Variants in FAM111A observed in about 807,000 individuals in gnomAD.
FAM111A encodes FAM111 trypsin like peptidase A.
In FAM111A, 8 loss-of-function variants were observed where a neutral mutation model predicts 3.3. The observed-to-expected ratio is 2.39, with a 90% CI of 1.40 to 4.32. The LOEUF (loss-of-function observed/expected upper bound fraction) is 4.32. Among genes scored for constraint, FAM111A ranks in the 30% most tolerant of loss-of-function variants. The pLI is 0.00. For missense variants in FAM111A, 683 were observed against 727.6 expected (o/e 0.94, Z 0.71); for synonymous variants, 227 against 243.1 (o/e 0.93, Z 0.62).
rs1481310895 is a variant in FAM111A, at chr11:59,153,632, C to T, written c.*128C>T. 1.4e-6 allele frequency: 1 copy of T among 708,600 alleles called. No homozygotes were observed. Among genetic ancestry groups the T allele is most frequent in the Non-Finnish European group, 2.3e-6 (1 of 439,508 alleles). 43.9% of individuals were successfully genotyped at this position (708,600 alleles called of 1,614,324 possible). On this transcript the variant is annotated 3_prime_UTR_variant, in exon 6 of 6. Coordinates refer to ENST00000675163, the MANE Select transcript of FAM111A (RefSeq NM_001312909.2). Reference sequence around the variant, plus strand: ...AATAATATTGACCATTTCCTATCTGCCAGGCATTTTTCTAAGCACATGAAG... The same window carrying T: ...AATAATATTGACCATTTCCTATCTGTCAGGCATTTTTCTAAGCACATGAAG...
rs1862015926 is a variant in FAM111A, at chr11:59,153,735, T to G, written c.*231T>G. 1 of 359,494 alleles carries G rather than the reference T, an allele frequency of 2.8e-6. No homozygotes were observed. The highest frequency in any genetic ancestry group is 3.8e-5 in the South Asian group (1 of 25,986). The allele number at this position is 359,494 out of a possible 1,614,324, so 22.3% of individuals were successfully genotyped here. ...TTTTTTTTTTGAGACTGAGTCTCAC[T>G]CTGTCGCCTGGGCTGGAGTACAGTG... On this transcript the variant is annotated 3_prime_UTR_variant, in exon 6 of 6. Coordinates refer to ENST00000675163, the MANE Select transcript of FAM111A (RefSeq NM_001312909.2).
At chr11:59,151,684 C>T in intron 5 of FAM111A, 66 bp from the exon 6 acceptor site, 2 of 1,245,834 alleles carry the variant, frequency 1.6e-6, no homozygotes, top group Non-Finnish European at 1.1e-6. Context: ...AATTGCATAC[C>T]TGAAAAGAGA....
At chr11:59,149,119 A>G (rs1861320608) in intron 5 of FAM111A, 166 bp downstream of exon 5, 2 of 592,620 alleles carry the variant, frequency 3.4e-6, no homozygotes, top group Non-Finnish European at 6.0e-6. Context: ...TATACTTTAA[A>G]TCATCTCTGG....
chr11:59,153,280 T>C lies in FAM111A; in HGVS notation c.1612T>C (p.Phe538Leu). 6.2e-7 allele frequency: 1 copy of C among 1,614,156 alleles called. No individual in the cohort carries two copies. Among genetic ancestry groups the C allele is most frequent in the Non-Finnish European group, 8.5e-7 (1 of 1,180,022 alleles). The stretch of plus-strand genomic sequence containing the variant: ...GATTACCTATGACACTGAATTTTTC[T>C]TTGGGGCTTCCGGCTCCCCTGTGTT... ...DVITYDTEFF[F>L]GASGSPVFDS... The change falls in exon 6 of 6, where the codon TTT (phenylalanine) becomes CTT (leucine). Residue 538 changes from phenylalanine (F) to leucine (L), a missense_variant. Phe to Leu is a conservative substitution (Grantham distance 22, BLOSUM62 0). Around this residue, in one of 3 missense-constraint regions of FAM111A, gnomAD observed 122 missense variants for 110.9 expected, o/e 1.10. Transcript: ENST00000675163.
In FAM111A at chr11:59,151,810, G is replaced by C; in HGVS notation, c.142G>C (p.Asp48His). 6.2e-7 allele frequency: 1 copy of C among 1,613,738 alleles called. No individual in the cohort carries two copies. Among genetic ancestry groups the C allele is most frequent in the Non-Finnish European group, 8.5e-7 (1 of 1,179,862 alleles). ...TSLMRMESRG[D>H]PRATTNTQAQ... ...TCTAATGAGGATGGAGTCTAGAGGA[G>C]ACCCAAGAGCCACAACTAATACCCA... Residue 48 changes from aspartate (D) to histidine (H), a missense_variant, in exon 6 of 6, where the codon GAC becomes CAC. Physicochemically the swap from Asp to His is moderately conservative, Grantham distance 81. Around this residue, in one of 3 missense-constraint regions of FAM111A, gnomAD observed 557 missense variants for 600.2 expected, o/e 0.93. Coordinates refer to ENST00000675163, the MANE Select transcript of FAM111A (RefSeq NM_001312909.2).
At chr11:59,150,291 T>C (rs1861485720) in intron 5 of FAM111A, among the ~76,000 whole-genome samples, 1 of 152,164 alleles carries the variant, frequency 6.6e-6, no homozygotes, top group South Asian at 2.1e-4. Context: ...TTACCTTAAG[T>C]CCCTTTTATT....
At chr11:59,146,365 T>G (rs962711597) in intron 4 of FAM111A, among the ~76,000 whole-genome samples, 2 of 152,200 alleles carry the variant, frequency 1.3e-5, no homozygotes, top group Non-Finnish European at 2.9e-5. Context: ...ATTACAGGCA[T>G]GAGCTACCGC....
intron 5 of FAM111A, among the ~76,000 whole-genome samples, chr11:59,150,475 A>C (rs969333110): frequency 5.3e-5 from 8 of 152,176 alleles, no homozygotes; most frequent in Admixed American, 4.6e-4. Context: ...ATACGGACCC[A>C]TATCTGCTGG....
intron 4 of FAM111A, among the ~76,000 whole-genome samples, chr11:59,146,984 G>A (rs1861006469): frequency 6.6e-6 from 1 of 152,120 alleles, no homozygotes; most frequent in South Asian, 2.1e-4. Flanking sequence ...GCGTTTAAAT[G>A]TCATGATGTT....
chr11:59,143,223 T>G lies in FAM111A; in HGVS notation c.-387T>G, dbSNP rs1183073066. The G allele has an allele frequency of 6.6e-6, 1 of 152,242 alleles. No individual in the cohort carries two copies. The highest frequency in any genetic ancestry group is 2.4e-5 in the African/African-American group (1 of 41,438). 9.4% of individuals were successfully genotyped at this position (152,242 alleles called of 1,614,324 possible). On this transcript the variant is annotated 5_prime_UTR_variant, in exon 2 of 6. Coordinates refer to ENST00000675163, the MANE Select transcript of FAM111A (RefSeq NM_001312909.2). Reference sequence around the variant, plus strand: ...TCTGTTCTCCAACCAAAGTGCTGGATTCCAAGGGACTGGAAGGGAAAGTCC... The same window carrying G: ...TCTGTTCTCCAACCAAAGTGCTGGAGTCCAAGGGACTGGAAGGGAAAGTCC...
chr11:59,154,166 T>C lies in FAM111A; in HGVS notation c.*662T>C, dbSNP rs1862061741. 6.6e-6 allele frequency: 1 copy of C among 152,210 alleles called. No homozygotes were observed. The highest frequency in any genetic ancestry group is 1.5e-5 in the Non-Finnish European group (1 of 68,036). The allele number at this position is 152,210 out of a possible 1,614,324, so 9.4% of individuals were successfully genotyped here. A position where few individuals can be genotyped will look rare whatever the true frequency, so the allele number is the denominator to read the frequency against. On this transcript the variant is annotated 3_prime_UTR_variant, in exon 6 of 6. Transcript: ENST00000675163. Reference sequence around the variant, plus strand: ...GCTACAGTGCAGGAACCAAAACTTGTTCATCTCATGATTCCCTACATCTGA... The same window carrying C: ...GCTACAGTGCAGGAACCAAAACTTGCTCATCTCATGATTCCCTACATCTGA...
Position 59,153,246 on chromosome 11 carries a change from C to A in FAM111A, c.1578C>A (p.Asn526Lys). 1 of 1,614,154 alleles carries A rather than the reference C, an allele frequency of 6.2e-7. No individual in the cohort carries two copies. Among genetic ancestry groups the A allele is most frequent in the Non-Finnish European group, 8.5e-7 (1 of 1,180,014 alleles). ...GAAGTTTCCAGAAAATAGTTCACAA[C>A]CCTGATGTGATTACCTATGACACTG... ...TQRSFQKIVH[N>K]PDVITYDTEF... The change falls in exon 6 of 6, where the codon AAC becomes AAA. Residue 526 changes from asparagine (N) to lysine (K), a missense_variant. Physicochemically the swap from Asn to Lys is moderately conservative, Grantham distance 94. Transcript: ENST00000675163.
intron 4 of FAM111A, among the ~76,000 whole-genome samples, chr11:59,146,333 G>A (rs1013551620): frequency 1.3e-5 from 2 of 152,136 alleles, no homozygotes; most frequent in African/African-American, 2.4e-5. Flanking sequence ...ATCCATCAGC[G>A]TTGGCCTCCC....
chr11:59,148,649 G>C, intron 4 of FAM111A, 148 bp from the exon 5 acceptor site: 3 of 487,706 alleles, frequency 6.2e-6, no homozygotes, highest in Non-Finnish European at 1.1e-5. Flanking sequence ...CTCGAAAAGA[G>C]AGCTTTTATT....
Position 59,143,574 on chromosome 11 carries a change from G to A in FAM111A, c.-228G>A, listed in dbSNP as rs1431574679. On this transcript the variant is annotated 5_prime_UTR_variant, in exon 3 of 6. Coordinates refer to ENST00000675163, the MANE Select transcript of FAM111A (RefSeq NM_001312909.2). ...TAACTTTATGAAAATGGTTCCTAAG[G>A]AGATTCACATCTCTGTGTCCGAATT... is the stretch of plus-strand genomic sequence containing the variant. 6.6e-6 allele frequency: 1 copy of A among 152,200 alleles called. No homozygotes were observed. The highest frequency in any genetic ancestry group is 2.4e-5 in the African/African-American group (1 of 41,438). The allele number at this position is 152,200 out of a possible 1,614,324, so 9.4% of individuals were successfully genotyped here.
Position 59,153,349 on chromosome 11 carries a change from G to C in FAM111A, c.1681G>C (p.Ala561Pro). 1 of 1,614,130 alleles carries C rather than the reference G, an allele frequency of 6.2e-7. No individual in the cohort carries two copies. Among genetic ancestry groups the C allele is most frequent in the Non-Finnish European group, 8.5e-7 (1 of 1,180,020 alleles). The change falls in exon 6 of 6, where the codon GCT becomes CCT. Residue 561 changes from alanine to proline, a missense_variant. By Grantham distance (27) the Ala-to-Pro change is conservative. Around this residue, in one of 3 missense-constraint regions of FAM111A, gnomAD observed 122 missense variants for 110.9 expected, o/e 1.10. Transcript: ENST00000675163. The part of the protein sequence containing the change: ...SLVAMHAAGF[A>P]YTYQNETRSI... ...GGTGGCCATGCATGCTGCTGGCTTT[G>C]CTTATACTTACCAAAATGAGACTCG...
intron 5 of FAM111A, 69 bp from the exon 6 acceptor site, chr11:59,151,681 T>C: frequency 5.1e-6 from 6 of 1,187,276 alleles, no homozygotes; most frequent in Middle Eastern, 4.5e-4. Context: ...GTGAATTGCA[T>C]ACCTGAAAAG....
chr11:59,153,173 A>G lies in FAM111A; in HGVS notation c.1505A>G (p.Gln502Arg), dbSNP rs1408714864. The change falls in exon 6 of 6, where the codon CAG (glutamine) becomes CGG (arginine). Residue 502 changes from glutamine (Q) to arginine (R), a missense_variant. By Grantham distance (43) the Gln-to-Arg change is conservative. Coordinates refer to ENST00000675163, the MANE Select transcript of FAM111A (RefSeq NM_001312909.2). ...QRAKKCQERV[Q>R]SKKAESPEYV... ...GCAAAGAAATGTCAGGAACGTGTTCAGTCTAAAAAAGCAGAAAGTCCAGAG... is the reference window on the plus strand; with the variant it reads ...GCAAAGAAATGTCAGGAACGTGTTCGGTCTAAAAAAGCAGAAAGTCCAGAG... 1 of 1,614,234 alleles carries G rather than the reference A, an allele frequency of 6.2e-7. No individual in the cohort carries two copies. Among genetic ancestry groups the G allele is most frequent in the Non-Finnish European group, 8.5e-7 (1 of 1,180,036 alleles).
rs1862050408 is a variant in FAM111A at position 59,154,007 on chromosome 11, C to G, written c.*503C>G. 6.6e-6 allele frequency: 1 copy of G among 152,392 alleles called. No individual in the cohort carries two copies. Among genetic ancestry groups the G allele is most frequent in the Non-Finnish European group, 1.5e-5 (1 of 68,238 alleles). 9.4% of individuals were successfully genotyped at this position (152,392 alleles called of 1,614,324 possible). On this transcript the variant is annotated 3_prime_UTR_variant, in exon 6 of 6. Coordinates refer to ENST00000675163, the MANE Select transcript of FAM111A (RefSeq NM_001312909.2). Reference sequence around the variant, plus strand: ...GGATTACAAGTTTGAGCCACTGCACCTGGCTAACTTGCCCTATTTTAAAGT... The same window carrying G: ...GGATTACAAGTTTGAGCCACTGCACGTGGCTAACTTGCCCTATTTTAAAGT...
Sources: allele counts gnomAD v4.1 joint callset (sites outside exome capture counted in the v4.1 genomes callset), GRCh38; gene constraint gnomAD v4.1.1; regional missense constraint gnomAD v4.1.1; transcripts MANE v1.5; gene names NCBI Gene and HGNC (gene_info 2026-07-23, HGNC 2026-07-21).